Variants in STOX2 observed in about 807,000 individuals in gnomAD.
The protein encoded by STOX2 is storkhead-box protein 2.
A neutral mutation model predicts 60.9 loss-of-function variants in STOX2; 28 were observed. The ratio of observed to expected loss-of-function variants is 0.46; its 90% CI spans 0.34 to 0.63. STOX2 has a LOEUF of 0.63. Among genes scored for constraint, STOX2 ranks in the 30% least tolerant of loss-of-function variants. STOX2 has a pLI of 0.01. For missense variants in STOX2, 1,024 were observed against 1,187.7 expected, an observed-to-expected ratio of 0.86 and a Z score of 2.03; for synonymous variants, 472 against 463.9, an observed-to-expected ratio of 1.02 and a Z score of -0.22.
intron 1 of STOX2, among the ~76,000 whole-genome samples, chr4:183,814,322 G>A (rs1230015699): frequency 6.6e-6 from 1 of 152,214 alleles, no homozygotes; most frequent in African/African-American, 2.4e-5. Context: ...TAAACCAGAT[G>A]CTTAGGGAAG....
intron 1 of STOX2, among the ~76,000 whole-genome samples, chr4:183,974,350 A>G (rs1482502411): frequency 1.3e-5 from 2 of 152,214 alleles, no homozygotes; most frequent in Non-Finnish European, 2.9e-5. Flanking sequence ...AATAAATCAT[A>G]AAGGGTAGAT....
At chr4:183,978,699 A>G (rs1438842372) in intron 1 of STOX2, among the ~76,000 whole-genome samples, 1 of 152,240 alleles carries the variant, frequency 6.6e-6, no homozygotes, top group African/African-American at 2.4e-5. Context: ...GGAAGAAGCC[A>G]GTCTCAAAAA....
At chr4:183,890,448 A>T (rs894459453) in intron 1 of STOX2, among the ~76,000 whole-genome samples, 5 of 145,648 alleles carry the variant, frequency 3.4e-5, no homozygotes, top group African/African-American at 1.3e-4. Context: ...GCGTCACTGC[A>T]CTCCAGCCTG....
At chr4:183,907,083 A>G in intron 1 of STOX2, 127 bp downstream of exon 1, 1 of 782,442 alleles carries the variant, frequency 1.3e-6, no homozygotes, top group Non-Finnish European at 2.0e-6. Context: ...GAAAGCAGGA[A>G]AAAATTAGCT....
rs542019734 is a variant in STOX2 at position 183,806,533 on chromosome 4, C to A, written c.364+8478C>A. Among the ~76,000 whole-genome samples, 1 of 152,242 alleles carries A rather than the reference C, an allele frequency of 6.6e-6. No individual in the cohort carries two copies. Among genetic ancestry groups the A allele is most frequent in the African/African-American group, 2.4e-5 (1 of 41,550 alleles). On this transcript the variant is annotated intron_variant, in intron 1 of 2. Coordinates refer to the STOX2 transcript ENST00000513034. This position sits in a 1 kb window ranked among gnomAD's most constrained non-coding sequence, Gnocchi z 4.1. The stretch of plus-strand genomic sequence containing the variant: ...CTTCACTGTGAACCCCGGGATACTG[C>A]GGCGGTGCTGGCTGGAAGGCTGGCT...
At chr4:183,818,226 A>C (rs1455748368) in intron 1 of STOX2, among the ~76,000 whole-genome samples, 1 of 152,048 alleles carries the variant, frequency 6.6e-6, no homozygotes, top group African/African-American at 2.4e-5. Flanking sequence ...TGGTTTTCCT[A>C]GGCAGAGGAC....
intron 2 of STOX2, among the ~76,000 whole-genome samples, chr4:184,004,772 T>A (rs1008462646): frequency 1.3e-5 from 2 of 152,224 alleles, no homozygotes; most frequent in Non-Finnish European, 2.9e-5. Context: ...TTATAAAGAA[T>A]AATACTTGCT....
intron 1 of STOX2, among the ~76,000 whole-genome samples, chr4:183,846,551 C>A (rs959124067): frequency 6.6e-6 from 1 of 152,130 alleles, no homozygotes; most frequent in African/African-American, 2.4e-5. Flanking sequence ...TGCTATTGAA[C>A]ACTGAAGTTT....
intron 1 of STOX2, among the ~76,000 whole-genome samples, chr4:183,851,297 G>C (rs200334585): frequency 2.3e-4 from 9 of 39,018 alleles, no homozygotes; most frequent in East Asian, 1.2e-3. Flanking sequence ...ATGAGAGAAA[G>C]GATGAGGGAA....
intron 1 of STOX2, among the ~76,000 whole-genome samples, chr4:183,808,324 T>A (rs1015882159): frequency 4.6e-5 from 7 of 152,240 alleles, no homozygotes; most frequent in Admixed American, 1.3e-4. Context: ...CAGGTTCTCC[T>A]GACCGGTCAC....
intron 1 of STOX2, among the ~76,000 whole-genome samples, chr4:183,941,247 T>A (rs1343819582): frequency 6.6e-6 from 1 of 152,142 alleles, no homozygotes; most frequent in Non-Finnish European, 1.5e-5. Flanking sequence ...TTGGTTCTCC[T>A]ACTCTTCAGT....
At chr4:183,950,231 A>C (rs1438754089) in intron 1 of STOX2, among the ~76,000 whole-genome samples, 1 of 152,250 alleles carries the variant, frequency 6.6e-6, no homozygotes, top group Non-Finnish European at 1.5e-5. Context: ...ACATGTTCAC[A>C]GACGCTTATT....
chr4:183,966,202 C>A (rs898337238), intron 1 of STOX2, among the ~76,000 whole-genome samples: 6 of 152,036 alleles, frequency 3.9e-5, no homozygotes, highest in Admixed American at 3.9e-4. Context: ...GGTGGGTGGG[C>A]CTGCCCCTGT....
chr4:183,908,284 G>A (rs1741675110), intron 1 of STOX2, among the ~76,000 whole-genome samples: 1 of 152,150 alleles, frequency 6.6e-6, no homozygotes, highest in African/African-American at 2.4e-5. Context: ...CATTTAAGTC[G>A]CTGCTGTGGT....
In STOX2 at chr4:184,006,971, C is replaced by G. The variant is rs377507585; in HGVS notation, c.320-2187C>G. 2.7e-3 allele frequency among the ~76,000 whole-genome samples: 357 copies of G among 133,652 alleles called. No individual in the cohort carries two copies. The East Asian group carries it at 0.03, about 11-fold the overall frequency. 87.7% of individuals were successfully genotyped at this position (133,652 alleles called of 152,430 possible). ...GCGGAGCTTGCAGTGAGCCGAGATCCCGCCACTGCACTCCAGCCTGGGCGA... is the reference window on the plus strand; with the variant it reads ...GCGGAGCTTGCAGTGAGCCGAGATCGCGCCACTGCACTCCAGCCTGGGCGA... On this transcript the variant is annotated intron_variant, in intron 2 of 3. Transcript: ENST00000308497.
At chr4:183,830,391 T>C (rs1739538773) in intron 1 of STOX2, among the ~76,000 whole-genome samples, 1 of 152,228 alleles carries the variant, frequency 6.6e-6, no homozygotes, top group African/African-American at 2.4e-5. Context: ...ATGGGTGTTA[T>C]CTTGTTTTCT....
At chr4:183,986,880 A>C (rs188561630) in intron 1 of STOX2, among the ~76,000 whole-genome samples, 2 of 152,282 alleles carry the variant, frequency 1.3e-5, no homozygotes, top group Admixed American at 1.3e-4. Flanking sequence ...CGGGAGACCC[A>C]CGTGGGGACC....
chr4:183,843,320 T>C (rs1285547723), intron 1 of STOX2, among the ~76,000 whole-genome samples: 1 of 152,100 alleles, frequency 6.6e-6, no homozygotes, highest in Non-Finnish European at 1.5e-5. Context: ...CCCTGACCCG[T>C]AGGACTCCGC....
intron 1 of STOX2, among the ~76,000 whole-genome samples, chr4:183,835,827 AT>A (rs1739695509): frequency 6.6e-6 from 1 of 152,210 alleles, no homozygotes; most frequent in African/African-American, 2.4e-5. Context: ...AGCTACAAAC[AT>A]TCCCTACAAG....
Sources: gnomAD v4.1 joint callset for allele counts (sites outside exome capture counted in the v4.1 genomes callset) on GRCh38, gnomAD v4.1.1 for gene constraint, Gnocchi (gnomAD v3.1) non-coding constraint, MANE v1.5 for transcripts, NCBI Gene and HGNC (gene_info 2026-07-23, HGNC 2026-07-21) for gene names.